The following SEMA3E variants were observed in gnomAD, a reference collection of about 807,000 sequenced individuals.
The protein encoded by SEMA3E is semaphorin-3E.
A neutral mutation model predicts 93.6 loss-of-function variants in SEMA3E; 49 were observed. That is an observed-to-expected ratio of 0.52 (90% CI 0.42 to 0.66). The LOEUF (loss-of-function observed/expected upper bound fraction) is 0.66, where lower values mean the gene tolerates loss of function less well. SEMA3E is among the 30% of genes least tolerant of loss of function. The pLI is 0.00. For synonymous variants in SEMA3E, 363 were observed against 330.7 expected, an observed-to-expected ratio of 1.10 and a Z score of -1.06; for missense variants, 906 against 964.8, an observed-to-expected ratio of 0.94 and a Z score of 0.81.
At chr7:83,439,269 G>A (rs1362269755) in intron 4 of SEMA3E, among the ~76,000 whole-genome samples, 1 of 152,194 alleles carries the variant, frequency 6.6e-6, no homozygotes, top group African/African-American at 2.4e-5. Context: ...GGAATTGCTG[G>A]TAAAAGAAAA....
chr7:83,604,679 C>T (rs1793069893), intron 1 of SEMA3E, among the ~76,000 whole-genome samples: 1 of 151,764 alleles, frequency 6.6e-6, no homozygotes, highest in South Asian at 2.1e-4. Flanking sequence ...AGGTTTGTTA[C>T]ATAGGTATAC....
At chr7:83,385,547 A>T in intron 15 of SEMA3E, 114 bp from the exon 16 acceptor site, 1 of 1,111,598 alleles carries the variant, frequency 9.0e-7, no homozygotes, top group Non-Finnish European at 1.4e-6. Flanking sequence ...CTTATTGCTT[A>T]TTTCTGCAAA....
chr7:83,625,613 G>T (rs188703234), intron 1 of SEMA3E, among the ~76,000 whole-genome samples: 1 of 152,090 alleles, frequency 6.6e-6, no homozygotes, highest in East Asian at 1.9e-4. Flanking sequence ...GAGCTGAGAC[G>T]ATGGGGTTTT....
At chr7:83,562,323 A>G (rs1188679026) in intron 1 of SEMA3E, among the ~76,000 whole-genome samples, 1 of 152,022 alleles carries the variant, frequency 6.6e-6, no homozygotes, top group African/African-American at 2.4e-5. Flanking sequence ...AACTGACTAT[A>G]AACTGCATTT....
intron 1 of SEMA3E, among the ~76,000 whole-genome samples, chr7:83,524,185 TC>T (rs1791107118): frequency 6.6e-6 from 1 of 152,152 alleles, no homozygotes; most frequent in African/African-American, 2.4e-5. Flanking sequence ...GTTTTCTTTC[TC>T]CCTTAATAAG....
At chr7:83,449,710 T>G (rs1373211105) in intron 4 of SEMA3E, among the ~76,000 whole-genome samples, 1 of 152,184 alleles carries the variant, frequency 6.6e-6, no homozygotes, top group African/African-American at 2.4e-5. Flanking sequence ...ACGTTGGTTT[T>G]GTTCTCTCTT....
At chr7:83,627,422 G>A (rs189146479) in intron 1 of SEMA3E, among the ~76,000 whole-genome samples, 132 of 152,058 alleles carry the variant, frequency 8.7e-4, no homozygotes, top group Non-Finnish European at 7.4e-4. Flanking sequence ...GATAGTTAGT[G>A]AATCTGGGTG....
intron 1 of SEMA3E, among the ~76,000 whole-genome samples, chr7:83,550,721 T>C (rs1791747818): frequency 6.6e-6 from 1 of 152,104 alleles, no homozygotes; most frequent in Admixed American, 6.6e-5. Context: ...TTCATTTCTA[T>C]ATCAAGAAGT....
At chr7:83,446,641 C>T (rs2713174) in intron 4 of SEMA3E, among the ~76,000 whole-genome samples, 78,856 of 152,092 alleles carry the variant, frequency 0.52, 22,957 homozygotes, top group East Asian at 0.87. Flanking sequence ...TTGTTACCAA[C>T]GTTAAACTCT....
intron 14 of SEMA3E, among the ~76,000 whole-genome samples, chr7:83,387,863 T>TAA (rs1430021966): frequency 6.9e-6 from 1 of 145,520 alleles, no homozygotes; most frequent in African/African-American, 2.5e-5. Context: ...TATATATATA[T>TAA]AACATTATAT....
At chr7:83,394,361 A>T (rs1164970719) in intron 12 of SEMA3E, 23 bp from the exon 13 acceptor site, 33 of 1,591,906 alleles carry the variant, frequency 2.1e-5, no homozygotes, top group Non-Finnish European at 2.8e-5. Flanking sequence ...AAAAGTTTTC[A>T]TTTTTAAGAA....
At chr7:83,580,246 G>A (rs375279317) in intron 1 of SEMA3E, among the ~76,000 whole-genome samples, 5 of 151,980 alleles carry the variant, frequency 3.3e-5, no homozygotes, top group African/African-American at 9.6e-5. Flanking sequence ...TGTTTGGATT[G>A]CCTGTAAGTT....
intron 1 of SEMA3E, among the ~76,000 whole-genome samples, chr7:83,581,716 AG>A (rs2115910828): frequency 6.6e-6 from 1 of 152,168 alleles, no homozygotes; most frequent in Admixed American, 6.6e-5. Context: ...ATTTGATCAA[AG>A]CTATTAGCTA....
intron 4 of SEMA3E, among the ~76,000 whole-genome samples, chr7:83,450,170 T>C (rs1446488808): frequency 2.0e-5 from 3 of 152,188 alleles, no homozygotes; most frequent in Non-Finnish European, 4.4e-5. Context: ...ACACCACTTG[T>C]GGGCATAAAA....
chr7:83,479,749 G>A (rs921749816), intron 2 of SEMA3E, among the ~76,000 whole-genome samples: 1 of 152,168 alleles, frequency 6.6e-6, no homozygotes, highest in South Asian at 2.1e-4. Context: ...AAGAGGTAGT[G>A]TTCAGATGGG....
chr7:83,539,853 T>TTGTGTGTGTGTGTG (rs1562824618), intron 1 of SEMA3E, among the ~76,000 whole-genome samples: 3 of 20,850 alleles, frequency 1.4e-4, no homozygotes, highest in Admixed American at 6.3e-4. Flanking sequence ...GTTTTGTTGT[T>TTGTGTGTGTGTGTG]TCTGTGTGTG....
At chr7:83,413,163 T>G (rs1313935375) in intron 5 of SEMA3E, among the ~76,000 whole-genome samples, 4 of 152,240 alleles carry the variant, frequency 2.6e-5, no homozygotes, top group Non-Finnish European at 5.9e-5. Context: ...GAAGTTTTAA[T>G]TAAATCCATT....
At chr7:83,635,089 T>C (rs1435898816) in intron 1 of SEMA3E, among the ~76,000 whole-genome samples, 7 of 152,194 alleles carry the variant, frequency 4.6e-5, no homozygotes, top group South Asian at 2.1e-4. Flanking sequence ...GTATTTGTGG[T>C]TACCATTCAT....
intron 2 of SEMA3E, among the ~76,000 whole-genome samples, chr7:83,487,325 C>T (rs146938799): frequency 0.026 from 3,968 of 152,118 alleles, 75 homozygotes; most frequent in Non-Finnish European, 0.042. Flanking sequence ...TCCAGGGAAC[C>T]ACTCCATAAG....
Sources: gnomAD v4.1 joint callset for allele counts (sites outside exome capture counted in the v4.1 genomes callset) on GRCh38, gnomAD v4.1.1 for gene constraint, MANE v1.5 for transcripts, NCBI Gene and HGNC (gene_info 2026-07-23, HGNC 2026-07-21) for gene names.